The following SYNPO2L variants were observed in gnomAD, a reference collection of about 807,000 sequenced individuals.
SYNPO2L encodes the protein synaptopodin 2-like protein.
In SYNPO2L, 34 loss-of-function variants were observed where a neutral mutation model predicts 47.5. The observed-to-expected ratio is 0.72, with a 90% CI of 0.54 to 0.95. The LOEUF (loss-of-function observed/expected upper bound fraction) is 0.95. Among genes scored for constraint, SYNPO2L ranks in the 40% least tolerant of loss-of-function variants. The probability of loss-of-function intolerance (pLI) is 0.00; values close to 1 mark genes in which losing one functional copy is unlikely to be tolerated. For missense variants in SYNPO2L, 1,246 were observed against 1,282.0 expected (o/e 0.97, Z 0.43); for synonymous variants, 536 against 524.9 (o/e 1.02, Z -0.29).
Position 73,645,156 on chromosome 10 carries a change from G to A in SYNPO2L, c.*1562C>T. ...CAGGCAGTCATGGCAAGCTGCAGAA[G>A]ACACACTGAAGAACAGACTCAAGGA... On this transcript the variant is annotated 3_prime_UTR_variant, in exon 4 of 4. Coordinates refer to ENST00000394810, the MANE Select transcript of SYNPO2L (RefSeq NM_001114133.3). 8.3e-7 allele frequency: 1 copy of A among 1,201,252 alleles called. No individual in the cohort carries two copies. Among genetic ancestry groups the A allele is most frequent in the Non-Finnish European group, 1.1e-6 (1 of 949,444 alleles). 74.4% of individuals were successfully genotyped at this position (1,201,252 alleles called of 1,614,324 possible).
intron 3 of SYNPO2L, 124 bp from the exon 4 acceptor site, chr10:73,649,003 C>T (rs1271644218): frequency 3.0e-6 from 4 of 1,333,568 alleles, no homozygotes; most frequent in South Asian, 2.5e-5. Flanking sequence ...CACAATGTCC[C>T]CTGTGACAAA....
Position 73,645,072 on chromosome 10 carries a change from T to C in SYNPO2L, c.*1646A>G, listed in dbSNP as rs1048164028. The stretch of plus-strand genomic sequence containing the variant: ...TGAAAAGAAGCAATAGCTGGGGTTT[T>C]GAGGGATGGGGTGGGACTGAAAGGA... On this transcript the variant is annotated 3_prime_UTR_variant, in exon 4 of 4. Transcript: ENST00000394810. 1 of 1,262,976 alleles carries C rather than the reference T, an allele frequency of 7.9e-7. No homozygotes were observed. The highest frequency in any genetic ancestry group is 1.0e-6 in the Non-Finnish European group (1 of 973,512). 78.2% of individuals were successfully genotyped at this position (1,262,976 alleles called of 1,614,324 possible). A position where few individuals can be genotyped will look rare whatever the true frequency, so the allele number is the denominator to read the frequency against.
At chr10:73,650,081 G>A (rs2081827696) in intron 3 of SYNPO2L, 4 of 985,236 alleles carry the variant, frequency 4.1e-6, no homozygotes, top group African/African-American at 1.7e-5. Context: ...GGGTAGGTGG[G>A]GCCAGGAAAT....
intron 2 of SYNPO2L, 38 bp from the exon 3 acceptor site, chr10:73,653,691 G>C (rs916106731): frequency 6.7e-7 from 1 of 1,502,866 alleles, no homozygotes; most frequent in South Asian, 1.3e-5. Flanking sequence ...GAGATGGGCT[G>C]GGTACTGACA....
rs1384011458 is a variant in SYNPO2L, at chr10:73,645,438, C to T, written c.*1280G>A. On this transcript the variant is annotated 3_prime_UTR_variant, in exon 4 of 4. Transcript: ENST00000394810. ...TCTGATTTTGGCCTCACTTGCCACA[C>T]TCTGGCTCTCTTCTCCTTTCTCTCA... is the stretch of plus-strand genomic sequence containing the variant. The T allele has an allele frequency of 1.5e-5, 15 of 997,080 alleles. No individual in the cohort carries two copies. The highest frequency in any genetic ancestry group is 1.7e-5 in the Non-Finnish European group (14 of 838,294). The allele number at this position is 997,080 out of a possible 1,614,324, so 61.8% of individuals were successfully genotyped here.
chr10:73,646,533 T>C lies in SYNPO2L; in HGVS notation c.*185A>G, dbSNP rs558549174. On this transcript the variant is annotated 3_prime_UTR_variant, in exon 4 of 4. Transcript: ENST00000394810. ...AAGATACCAAAGCAGACATACTTGG[T>C]TGGAAAGCGGCAGGGAGGTAGAGAG... is the stretch of plus-strand genomic sequence containing the variant. 8 of 1,251,850 alleles carry C rather than the reference T, an allele frequency of 6.4e-6. No homozygotes were observed. The highest frequency in any genetic ancestry group is 3.9e-5 in the Admixed American group (1 of 25,734). 77.5% of individuals were successfully genotyped at this position (1,251,850 alleles called of 1,614,324 possible).
chr10:73,650,867 A>G (rs774129263), intron 3 of SYNPO2L: 1 of 1,557,970 alleles, frequency 6.4e-7, no homozygotes, highest in Non-Finnish European at 8.7e-7. Flanking sequence ...CTTCCCCTCC[A>G]TTCTAGACCC....
Position 73,646,326 on chromosome 10 carries a change from C to G in SYNPO2L, c.*392G>C. 27 of 998,904 alleles carry G rather than the reference C, an allele frequency of 2.7e-5. No individual in the cohort carries two copies. Among genetic ancestry groups the G allele is most frequent in the Non-Finnish European group, 3.2e-5 (27 of 839,604 alleles). 61.9% of individuals were successfully genotyped at this position (998,904 alleles called of 1,614,324 possible). A position where few individuals can be genotyped will look rare whatever the true frequency, so the allele number is the denominator to read the frequency against. On this transcript the variant is annotated 3_prime_UTR_variant, in exon 4 of 4. Coordinates refer to ENST00000394810, the MANE Select transcript of SYNPO2L (RefSeq NM_001114133.3). ...CCTTTGCTGTGTGCCTGGTGGTGAG[C>G]TTCTTGCCTGAAGTCCCAGTGGTCA... is the stretch of plus-strand genomic sequence containing the variant.
chr10:73,647,806 C>G lies in SYNPO2L; in HGVS notation c.1846G>C (p.Val616Leu), dbSNP rs1589451814. Residue 616 changes from valine (V) to leucine (L), a missense_variant, in exon 4 of 4, where the codon GTG becomes CTG. Transcript: ENST00000394810. Reference protein sequence around the residue: ...PPSAREQRISVPAARTGILQE... With the variant: ...PPSAREQRISLPAARTGILQE... Reference sequence around the variant, plus strand: ...AGGATACCCGTGCGGGCAGCTGGCACAGAGATGCGCTGCTCGCGAGCGCTG... The same window carrying G: ...AGGATACCCGTGCGGGCAGCTGGCAGAGAGATGCGCTGCTCGCGAGCGCTG... 6.2e-7 allele frequency: 1 copy of G among 1,601,750 alleles called. No individual in the cohort carries two copies. The highest frequency in any genetic ancestry group is 1.3e-5 in the African/African-American group (1 of 74,686).
At chr10:73,649,799 C>G in intron 3 of SYNPO2L, 1 of 985,400 alleles carries the variant, frequency 1.0e-6, no homozygotes, top group Non-Finnish European at 1.2e-6. Flanking sequence ...GCTTCACACC[C>G]CTGCTACTCA....
In SYNPO2L at chr10:73,648,035, G is replaced by T; in HGVS notation, c.1617C>A (p.Arg539=). The T allele has an allele frequency of 8.2e-6, 13 of 1,592,374 alleles. No individual in the cohort carries two copies. Among genetic ancestry groups the T allele is most frequent in the Non-Finnish European group, 1.1e-5 (13 of 1,169,736 alleles). ...TGGTGGCTGTCACAGGGCCCGAGGA[G>T]CGTGGGGTGCTGGGGGAACCAGAGA... The part of the protein sequence containing the change: ...APVSGSPSTP[R]SSGPVTATSS... The change falls in exon 4 of 4, where the codon CGC becomes CGA. Residue 539 remains arginine (R), a synonymous_variant. Coordinates refer to ENST00000394810, the MANE Select transcript of SYNPO2L (RefSeq NM_001114133.3).
In SYNPO2L at chr10:73,647,877, G is replaced by C; in HGVS notation, c.1775C>G (p.Ala592Gly). The C allele has an allele frequency of 6.5e-7, 1 of 1,532,978 alleles. No homozygotes were observed. Among genetic ancestry groups the C allele is most frequent in the Non-Finnish European group, 8.7e-7 (1 of 1,144,044 alleles). 95.0% of individuals were successfully genotyped at this position (1,532,978 alleles called of 1,614,324 possible). A position where few individuals can be genotyped will look rare whatever the true frequency, so the allele number is the denominator to read the frequency against. ...IFLSAPLRPS[A>G]RPEAPAPGPG... Reference sequence around the variant, plus strand: ...GCCTGGGGCAGGCGCCTCTGGGCGCGCAGAGGGTCGCAAAGGCGCAGATAG... The same window carrying C: ...GCCTGGGGCAGGCGCCTCTGGGCGCCCAGAGGGTCGCAAAGGCGCAGATAG... The change falls in exon 4 of 4, where the codon GCG (alanine) becomes GGG (glycine). Residue 592 changes from alanine to glycine, a missense_variant. Coordinates refer to ENST00000394810, the MANE Select transcript of SYNPO2L (RefSeq NM_001114133.3).
chr10:73,651,830 C>T (rs1384410571), intron 3 of SYNPO2L, among the ~76,000 whole-genome samples: 1 of 152,094 alleles, frequency 6.6e-6, no homozygotes, highest in Admixed American at 6.5e-5. Context: ...AATCCCAGCA[C>T]TTTGGGAGGC....
chr10:73,652,272 C>T (rs1180636531), intron 3 of SYNPO2L, among the ~76,000 whole-genome samples: 1 of 151,998 alleles, frequency 6.6e-6, no homozygotes, highest in African/African-American at 2.4e-5. Context: ...CTTGCCTCAG[C>T]CTCCCAAGTA....
chr10:73,652,021 A>G (rs111247496), intron 3 of SYNPO2L, among the ~76,000 whole-genome samples: 16,624 of 138,428 alleles, frequency 0.12, 2,367 homozygotes, highest in African/African-American at 0.33. Flanking sequence ...GGTGCAGTGA[A>G]CCAAGATTGC....
intron 3 of SYNPO2L, chr10:73,651,064 T>G: frequency 1.3e-6 from 2 of 1,554,318 alleles, no homozygotes; most frequent in Non-Finnish European, 1.7e-6. Context: ...CCCCACGCCT[T>G]TTAAAGCCCC....
rs760585476 is a variant in SYNPO2L, at chr10:73,646,939, T to C, written c.2713A>G (p.Thr905Ala). ...GTGGCTGCTCGGGGGGCAAGCACAG[T>C]GGGAGCCAGGGGTTCTGCAGTGGGC... ...PQPTAEPLAP[T>A]VLAPRAATTL... The change falls in exon 4 of 4, where the codon ACT becomes GCT. Residue 905 changes from threonine (T) to alanine (A), a missense_variant. Coordinates refer to ENST00000394810, the MANE Select transcript of SYNPO2L (RefSeq NM_001114133.3). 9 of 1,598,016 alleles carry C rather than the reference T, an allele frequency of 5.6e-6. No individual in the cohort carries two copies. The East Asian group carries it at 1.3e-4, about 24-fold the overall frequency.
chr10:73,648,292 C>T lies in SYNPO2L; in HGVS notation c.1360G>A (p.Gly454Ser), dbSNP rs766789536. 1.2e-6 allele frequency: 2 copies of T among 1,603,124 alleles called. No individual in the cohort carries two copies. Among genetic ancestry groups the T allele is most frequent in the East Asian group, 2.2e-5 (1 of 44,832 alleles). The change falls in exon 4 of 4, where the codon GGT becomes AGT. Residue 454 changes from glycine (G) to serine (S), a missense_variant. By Grantham distance (56) the Gly-to-Ser change is moderately conservative (BLOSUM62 0). Coordinates refer to ENST00000394810, the MANE Select transcript of SYNPO2L (RefSeq NM_001114133.3). ...VASPRPFQPG[G>S]GAPTPAPSIF... is the part of the protein sequence containing the mutation. ...CTTGGAGCTGGGGTCGGGGCTCCAC[C>T]ACCTGGTTGGAAGGGTCTGGGGCTG...
In SYNPO2L at chr10:73,647,883, G is replaced by A; in HGVS notation, c.1769C>T (p.Pro590Leu). Residue 590 changes from proline to leucine, a missense_variant, in exon 4 of 4, where the codon CCC becomes CTC. Transcript: ENST00000394810. ...ASIFLSAPLRPSARPEAPAPG... is the reference protein window; with the variant it reads ...ASIFLSAPLRLSARPEAPAPG... ...GGCAGGCGCCTCTGGGCGCGCAGAG[G>A]GTCGCAAAGGCGCAGATAGGAAGAT... The A allele has an allele frequency of 2.0e-6, 3 of 1,532,378 alleles. No individual in the cohort carries two copies. The South Asian group carries it at 3.9e-5, about 20-fold the overall frequency. 94.9% of individuals were successfully genotyped at this position (1,532,378 alleles called of 1,614,324 possible).
Sources: gnomAD v4.1 joint callset for allele counts (sites outside exome capture counted in the v4.1 genomes callset) on GRCh38, gnomAD v4.1.1 for gene constraint, MANE v1.5 for transcripts, NCBI Gene and HGNC (gene_info 2026-07-23, HGNC 2026-07-21) for gene names.